EHBP1: variants seen among roughly 807,000 people sequenced by gnomAD.
EHBP1 encodes the protein EH domain-binding protein 1.
EHBP1 carries 55 observed loss-of-function variants against 144.0 expected under a neutral mutation model. That is an observed-to-expected ratio of 0.38 (90% CI 0.31 to 0.48). The LOEUF is 0.48. EHBP1 is among the 20% of genes least tolerant of loss of function. The pLI, the probability that EHBP1 is intolerant of heterozygous loss-of-function variation, is 0.98. For missense variants in EHBP1, 1,200 were observed against 1,364.2 expected (o/e 0.88, Z 1.90); for synonymous variants, 469 against 472.7 (o/e 0.99, Z 0.10).
At chr2:62,878,459 A>G (rs1218113662) in intron 10 of EHBP1, among the ~76,000 whole-genome samples, 13 of 152,204 alleles carry the variant, frequency 8.5e-5, no homozygotes, top group Admixed American at 8.5e-4. Flanking sequence ...TCTCTAACGC[A>G]TTCTGTGAGA....
At chr2:62,966,579 A>G (rs1332890883) in intron 14 of EHBP1, among the ~76,000 whole-genome samples, 1 of 152,196 alleles carries the variant, frequency 6.6e-6, no homozygotes, top group East Asian at 1.9e-4. Flanking sequence ...TAAAGTTTGT[A>G]TTTGAAAATC....
At chr2:62,989,910 A>AC (rs1385750445) in intron 15 of EHBP1, among the ~76,000 whole-genome samples, 9 of 152,144 alleles carry the variant, frequency 5.9e-5, no homozygotes, top group Non-Finnish European at 1.2e-4. Flanking sequence ...ATATAAACTG[A>AC]CCAATTTGCA....
chr2:62,916,105 G>C (rs1365623513), intron 10 of EHBP1, among the ~76,000 whole-genome samples: 1 of 152,152 alleles, frequency 6.6e-6, no homozygotes, highest in East Asian at 1.9e-4. Flanking sequence ...AGGATGACTT[G>C]AGCCCAGGAG....
intron 19 of EHBP1, among the ~76,000 whole-genome samples, chr2:63,030,408 TACACACAC>T (rs200310215): frequency 2.0e-5 from 3 of 150,266 alleles, no homozygotes; most frequent in South Asian, 4.2e-4. Context: ...TATATATATA[TACACACAC>T]ACACACACAC....
intron 2 of EHBP1, among the ~76,000 whole-genome samples, chr2:62,732,526 TA>T (rs1329341794): frequency 1.3e-5 from 2 of 152,170 alleles, no homozygotes; most frequent in Non-Finnish European, 1.5e-5. Context: ...GTTCTCGTGA[TA>T]AGAGTTCTCA....
At chr2:62,727,466 G>A (rs978513557) in intron 2 of EHBP1, among the ~76,000 whole-genome samples, 1 of 151,880 alleles carries the variant, frequency 6.6e-6, no homozygotes, top group Admixed American at 6.6e-5. Context: ...CAGTCACTCC[G>A]TATTCCTCTG....
intron 2 of EHBP1, among the ~76,000 whole-genome samples, chr2:62,727,368 G>T (rs1473296629): frequency 6.6e-6 from 1 of 151,488 alleles, no homozygotes; most frequent in Non-Finnish European, 1.5e-5. Context: ...GTACAATTCA[G>T]TGGTTTTTAA....
intron 5 of EHBP1, among the ~76,000 whole-genome samples, chr2:62,782,012 A>G (rs968888567): frequency 3.9e-5 from 6 of 152,228 alleles, no homozygotes; most frequent in Admixed American, 1.3e-4. Context: ...AGATTAAGTG[A>G]CACGCCCAAG....
chr2:62,674,239 G>A (rs1436940318), intron 1 of EHBP1: 3 of 419,202 alleles, frequency 7.2e-6, no homozygotes, highest in Non-Finnish European at 1.5e-5. Context: ...TAACTGCTGA[G>A]TTGTTAATGG....
At chr2:62,815,202 C>A (rs936844592) in intron 5 of EHBP1, among the ~76,000 whole-genome samples, 29 of 152,156 alleles carry the variant, frequency 1.9e-4, no homozygotes, top group African/African-American at 5.3e-4. Context: ...TCTAATAAGA[C>A]CCCCTTGTTG....
intron 10 of EHBP1, among the ~76,000 whole-genome samples, chr2:62,898,196 A>G (rs79009191): frequency 0.097 from 14,703 of 152,250 alleles, 899 homozygotes; most frequent in Non-Finnish European, 0.14. Context: ...CTGATTAATA[A>G]TATTAAAAAT....
chr2:62,991,409 T>G (rs2153223293), intron 16 of EHBP1, among the ~76,000 whole-genome samples: 1 of 152,258 alleles, frequency 6.6e-6, no homozygotes, highest in South Asian at 2.1e-4. Flanking sequence ...ATTCTTGAGT[T>G]CTATATGTAT....
In EHBP1 at chr2:62,730,648, CAGAG is replaced by C. The variant is rs1196368295; in HGVS notation, c.105-16741_105-16738del. Among the ~76,000 whole-genome samples the C allele has an allele frequency of 4.0e-5, 6 of 149,040 alleles. No homozygotes were observed. The East Asian group carries it at 6.0e-4, about 15-fold the overall frequency. ...TTAGAGAGAGAGAGAGAGACAGAGACAGAGAGAGATAGACAAAGATACACAAAGA... is the reference window on the plus strand; with the variant it reads ...TTAGAGAGAGAGAGAGAGACAGAGACAGAGATAGACAAAGATACACAAAGA... On this transcript the variant is annotated intron_variant, in intron 2 of 22. Coordinates refer to ENST00000431489, the MANE Select transcript of EHBP1 (RefSeq NM_001142616.3).
chr2:62,944,811 A>G (rs566649035), intron 12 of EHBP1, among the ~76,000 whole-genome samples: 1 of 152,270 alleles, frequency 6.6e-6, no homozygotes, highest in Admixed American at 6.5e-5. Context: ...TTCTGTGTGC[A>G]AAGAGGGAAG....
At chr2:62,949,920 A>T (rs900472860) in intron 13 of EHBP1, among the ~76,000 whole-genome samples, 2 of 152,174 alleles carry the variant, frequency 1.3e-5, no homozygotes, top group Non-Finnish European at 2.9e-5. Context: ...AAGTTATGAT[A>T]CCTGGTTTTC....
At chr2:62,999,178 T>TA (rs1165804828) in intron 19 of EHBP1, among the ~76,000 whole-genome samples, 2 of 152,140 alleles carry the variant, frequency 1.3e-5, no homozygotes, top group Non-Finnish European at 1.5e-5. Flanking sequence ...ATGGTGGAGT[T>TA]ACGGCTTGAA....
chr2:62,710,116 C>G (rs2034999957), intron 2 of EHBP1, among the ~76,000 whole-genome samples: 1 of 152,092 alleles, frequency 6.6e-6, no homozygotes, highest in Admixed American at 6.6e-5. Context: ...TCTCAGTTTA[C>G]TTTCTGTTCT....
intron 14 of EHBP1, among the ~76,000 whole-genome samples, chr2:62,964,256 T>C (rs528959696): frequency 6.6e-5 from 10 of 152,276 alleles, no homozygotes; most frequent in South Asian, 4.1e-4. Context: ...AAAGTCTTAT[T>C]TGAGGTTGCC....
chr2:62,892,947 A>T (rs1573934642), intron 10 of EHBP1, among the ~76,000 whole-genome samples: 1 of 152,316 alleles, frequency 6.6e-6, no homozygotes, highest in Admixed American at 6.5e-5. Context: ...ATATGAACTC[A>T]AACATATGTG....
Sources: allele counts gnomAD v4.1 joint callset (sites outside exome capture counted in the v4.1 genomes callset), GRCh38; gene constraint gnomAD v4.1.1; transcripts MANE v1.5; gene names NCBI Gene and HGNC (gene_info 2026-07-23, HGNC 2026-07-21).